The following CWC27 variants were observed in gnomAD, a reference collection of about 807,000 sequenced individuals.
CWC27 encodes spliceosome-associated protein CWC27 homolog.
Under a neutral mutation model 63.6 loss-of-function variants are expected in CWC27, and 47 were observed. The observed-to-expected ratio is 0.74, with a 90% CI of 0.58 to 0.94. The LOEUF is 0.94. Among genes scored for constraint, CWC27 ranks in the 40% least tolerant of loss-of-function variants. The pLI, the probability that CWC27 is intolerant of heterozygous loss-of-function variation, is 0.00. For synonymous variants in CWC27, 175 were observed against 179.8 expected (o/e 0.97, Z 0.22); for missense variants, 495 against 554.3 (o/e 0.89, Z 1.07).
chr5:64,940,638 T>A (rs1748454585), intron 11 of CWC27, among the ~76,000 whole-genome samples: 1 of 152,162 alleles, frequency 6.6e-6, no homozygotes, highest in African/African-American at 2.4e-5. Flanking sequence ...CTTTTATATT[T>A]ATAGTTTTGC....
intron 11 of CWC27, among the ~76,000 whole-genome samples, chr5:64,888,975 T>C (rs886585512): frequency 2.0e-5 from 3 of 152,258 alleles, no homozygotes; most frequent in East Asian, 1.9e-4. Flanking sequence ...ACTCCTGATA[T>C]AATGCACTGA....
At chr5:64,806,465 A>T (rs1003198546) in intron 10 of CWC27, among the ~76,000 whole-genome samples, 4 of 152,170 alleles carry the variant, frequency 2.6e-5, no homozygotes, top group African/African-American at 7.2e-5. Flanking sequence ...GCACACATTT[A>T]TTTATAACTG....
rs145448165 is a variant in CWC27 at position 64,996,566 on chromosome 5, A to T, written c.1256+19328A>T. On this transcript the variant is annotated intron_variant, in intron 13 of 13. Transcript: ENST00000381070. ...TTGTGCCCAAATTATACTGGGGAAA[A>T]GTCTAGTGCCCAAATTATACTGGGG... Among the ~76,000 whole-genome samples, 470 of 151,286 alleles carry T rather than the reference A, an allele frequency of 3.1e-3. 2 individuals carry two copies. Among genetic ancestry groups the T allele is most frequent in the African/African-American group, 0.011 (449 of 40,660 alleles).
intron 10 of CWC27, among the ~76,000 whole-genome samples, chr5:64,840,361 T>TA (rs1745770347): frequency 2.8e-5 from 1 of 35,858 alleles, no homozygotes; most frequent in East Asian, 1.4e-3. Flanking sequence ...TCCTTTTTCA[T>TA]TAAAAAAAAA....
At chr5:64,941,308 C>A (rs890920865) in intron 11 of CWC27, among the ~76,000 whole-genome samples, 1 of 152,128 alleles carries the variant, frequency 6.6e-6, no homozygotes, top group African/African-American at 2.4e-5. Context: ...TCTCAGTAAA[C>A]AGCTAAAAGA....
intron 12 of CWC27, among the ~76,000 whole-genome samples, chr5:64,973,989 C>A (rs1486530251): frequency 6.6e-6 from 1 of 151,576 alleles, no homozygotes; most frequent in East Asian, 1.9e-4. Context: ...AATCCCAGGA[C>A]TTTGGGAGGC....
Position 64,801,386 on chromosome 5 carries a change from A to C in CWC27, c.780+54A>C, listed in dbSNP as rs150825087. 80 of 1,219,584 alleles carry C rather than the reference A, an allele frequency of 6.6e-5. 1 individual carries two copies. In the East Asian group the frequency reaches 1.2e-3, roughly 18 times the overall value. 75.5% of individuals were successfully genotyped at this position (1,219,584 alleles called of 1,614,324 possible). ...TTTGAACAATTCATAGAAAGTACAA[A>C]ATTTTTACAAAAACTTAATTTTGTT... is the stretch of plus-strand genomic sequence containing the variant. On this transcript the variant is annotated intron_variant, in intron 9 of 13. Coordinates refer to ENST00000381070, the MANE Select transcript of CWC27 (RefSeq NM_005869.4).
chr5:64,987,346 A>G (rs979707166), intron 13 of CWC27, among the ~76,000 whole-genome samples: 1 of 152,174 alleles, frequency 6.6e-6, no homozygotes, highest in Non-Finnish European at 1.5e-5. Flanking sequence ...GAATTCTTAC[A>G]TGTATGTAGG....
intron 10 of CWC27, among the ~76,000 whole-genome samples, chr5:64,866,521 T>G (rs769078612): frequency 7.9e-5 from 12 of 152,084 alleles, no homozygotes; most frequent in Non-Finnish European, 1.3e-4. Context: ...CTTCTTCTTT[T>G]TTAACATAGG....
rs115218842 is a variant in CWC27 at position 64,869,340 on chromosome 5, T to A, written c.939-16103T>A. The stretch of plus-strand genomic sequence containing the variant: ...TCTATTTGGGCTGAACTACTTTGGA[T>A]TTTATATTAGCTAAATTAAAAATAT... On this transcript the variant is annotated intron_variant, in intron 10 of 13. Coordinates refer to ENST00000381070, the MANE Select transcript of CWC27 (RefSeq NM_005869.4). 3.9e-3 allele frequency among the ~76,000 whole-genome samples: 594 copies of A among 152,162 alleles called. 1 individual carries two copies. Among genetic ancestry groups the A allele is most frequent in the African/African-American group, 0.013 (555 of 41,548 alleles).
chr5:64,941,859 G>A (rs1380309084), intron 11 of CWC27, among the ~76,000 whole-genome samples: 3 of 151,916 alleles, frequency 2.0e-5, no homozygotes, highest in Non-Finnish European at 4.4e-5. Context: ...GAGAAATCTT[G>A]GGCAGGTCAT....
chr5:64,785,621 G>A (rs564487628), intron 5 of CWC27, 42 bp downstream of exon 5: 15 of 1,226,392 alleles, frequency 1.2e-5, no homozygotes, highest in African/African-American at 9.2e-5. Flanking sequence ...TTACATTGTC[G>A]TTTAAGAGGA....
intron 11 of CWC27, among the ~76,000 whole-genome samples, chr5:64,971,469 T>A (rs1483937909): frequency 6.6e-6 from 1 of 152,190 alleles, no homozygotes; most frequent in African/African-American, 2.4e-5. Flanking sequence ...ACAATTACAA[T>A]AGTGCAGTGT....
chr5:64,867,406 TAA>T (rs1484787214), intron 10 of CWC27, among the ~76,000 whole-genome samples: 2 of 152,126 alleles, frequency 1.3e-5, no homozygotes, highest in African/African-American at 4.8e-5. Context: ...TTAACAAGAA[TAA>T]GTTTCTATTT....
intron 2 of CWC27, among the ~76,000 whole-genome samples, chr5:64,781,528 T>C (rs909339000): frequency 6.6e-6 from 1 of 152,314 alleles, no homozygotes; most frequent in African/African-American, 2.4e-5. Context: ...ATAGGGTGTT[T>C]AGCAGTATCC....
At chr5:64,873,695 G>C (rs1746729708) in intron 10 of CWC27, among the ~76,000 whole-genome samples, 1 of 152,036 alleles carries the variant, frequency 6.6e-6, no homozygotes, top group African/African-American at 2.4e-5. Flanking sequence ...AGTCCCATTT[G>C]TCTATTTTTG....
At chr5:64,943,712 T>C (rs1748536407) in intron 11 of CWC27, among the ~76,000 whole-genome samples, 1 of 152,160 alleles carries the variant, frequency 6.6e-6, no homozygotes, top group Admixed American at 6.5e-5. Context: ...TTTCTTCTCA[T>C]GGTCATAAGA....
At chr5:64,776,403 G>T (rs1743457055) in intron 2 of CWC27, among the ~76,000 whole-genome samples, 1 of 152,052 alleles carries the variant, frequency 6.6e-6, no homozygotes, top group African/African-American at 2.4e-5. Flanking sequence ...GAAAACATCT[G>T]GATACAATGT....
chr5:64,847,026 C>T (rs980905576), intron 10 of CWC27, among the ~76,000 whole-genome samples: 1 of 148,132 alleles, frequency 6.8e-6, no homozygotes, highest in Admixed American at 6.7e-5. Context: ...AAGGAAATGG[C>T]AATAGTACAT....
Sources: gnomAD v4.1 joint callset for allele counts (sites outside exome capture counted in the v4.1 genomes callset) on GRCh38, gnomAD v4.1.1 for gene constraint, MANE v1.5 for transcripts, NCBI Gene and HGNC (gene_info 2026-07-23, HGNC 2026-07-21) for gene names.